GSDME: variants seen among roughly 807,000 people sequenced by gnomAD.
The protein encoded by GSDME is gasdermin E.
GSDME carries 44 observed loss-of-function variants against 47.5 expected under a neutral mutation model. The ratio of observed to expected loss-of-function variants is 0.93; its 90% CI spans 0.73 to 1.19. The LOEUF (loss-of-function observed/expected upper bound fraction) is 1.19, where lower values mean the gene tolerates loss of function less well. GSDME is among the 50% of genes most tolerant of loss of function. GSDME has a pLI of 0.00. For missense variants in GSDME, 663 were observed against 604.2 expected, an observed-to-expected ratio of 1.10 and a Z score of -1.02; for synonymous variants, 258 against 252.8, an observed-to-expected ratio of 1.02 and a Z score of -0.20.
At chr7:24,710,102 T>C in intron 6 of GSDME, 122 bp downstream of exon 6, 1 of 1,134,806 alleles carries the variant, frequency 8.8e-7, no homozygotes. Flanking sequence ...GCATCACCTC[T>C]CTTCTCATAT....
At chr7:24,722,207 A>G (rs1789815816) in intron 3 of GSDME, among the ~76,000 whole-genome samples, 1 of 152,178 alleles carries the variant, frequency 6.6e-6, no homozygotes, top group African/African-American at 2.4e-5. Context: ...AGTAAATAAA[A>G]CTTGTGAGGT....
chr7:24,707,492 A>G, intron 7 of GSDME: 1 of 463,886 alleles, frequency 2.2e-6, no homozygotes, highest in Non-Finnish European at 4.5e-6. Flanking sequence ...CTGACTTTAT[A>G]GATTCCACCA....
At chr7:24,774,065 G>C in the GSDME span, among the ~76,000 whole-genome samples, 1 of 152,152 alleles carries the variant, frequency 6.6e-6, no homozygotes, top group African/African-American at 2.4e-5. Context: ...AGAGACTCCT[G>C]TATCAGTACA....
the GSDME span, among the ~76,000 whole-genome samples, chr7:24,781,854 C>G: frequency 6.6e-6 from 1 of 152,094 alleles, no homozygotes; most frequent in Non-Finnish European, 1.5e-5. Context: ...AGCAATCCAA[C>G]CACCTCAGCC....
At chr7:24,702,390 A>G (rs879784190) in intron 9 of GSDME, 11 of 353,778 alleles carry the variant, frequency 3.1e-5, no homozygotes, top group Admixed American at 3.1e-4. Context: ...AGCTCAATCA[A>G]ACCAGTCTTA....
chr7:24,710,439 G>T, intron 5 of GSDME, 51 bp from the exon 6 acceptor site: 2 of 1,597,744 alleles, frequency 1.3e-6, no homozygotes, highest in Non-Finnish European at 1.7e-6. Flanking sequence ...TCTAAGGTGT[G>T]CCAACAAGTC....
rs144688980 is a variant in GSDME, at chr7:24,717,275, C to T, written c.676G>A (p.Val226Met). The T allele has an allele frequency of 1.1e-5, 17 of 1,599,612 alleles. No individual in the cohort carries two copies. Among genetic ancestry groups the T allele is most frequent in the Admixed American group, 3.4e-5 (2 of 58,128 alleles). The change falls in exon 5 of 10, where the codon GTG becomes ATG. Residue 226 changes from valine to methionine, a missense_variant. Val to Met is a conservative substitution (Grantham distance 21). Transcript: ENST00000645220. ...TCACCGAACTGGCCGTCCAGTTTCA[C>T]GTATAACTCAATGACACCGTAGGCA... Reference protein sequence around the residue: ...TIAYGVIELYVKLDGQFEFCL... With the variant: ...TIAYGVIELYMKLDGQFEFCL...
the GSDME span, among the ~76,000 whole-genome samples, chr7:24,785,425 A>G: frequency 6.6e-6 from 1 of 152,162 alleles, no homozygotes; most frequent in Non-Finnish European, 1.5e-5. Flanking sequence ...AAGGGTTTCA[A>G]TATTTATTTA....
the GSDME span, among the ~76,000 whole-genome samples, chr7:24,788,293 C>T: frequency 2.0e-3 from 300 of 152,272 alleles, 3 homozygotes; most frequent in Non-Finnish European, 3.5e-3. The surrounding 1 kb of genome is among the most constrained non-coding windows in gnomAD (Gnocchi z 4.6). Flanking sequence ...AGTGGTGCCC[C>T]GAGGAGACAG....
At chr7:24,749,932 A>G in intron 1 of GSDME, 139 bp from the exon 2 acceptor site, 2 of 633,202 alleles carry the variant, frequency 3.2e-6, no homozygotes, top group Non-Finnish European at 5.5e-6. Context: ...CTCTAGTTTG[A>G]CTTTAGCTGA....
chr7:24,786,398 GCAGA>G, the GSDME span, among the ~76,000 whole-genome samples: 19 of 152,232 alleles, frequency 1.2e-4, no homozygotes, highest in Non-Finnish European at 2.1e-4. The surrounding 1 kb of genome is among the most constrained non-coding windows in gnomAD (Gnocchi z 5.5). Flanking sequence ...TTGGAAACAT[GCAGA>G]CACACTCGTA....
the GSDME span, among the ~76,000 whole-genome samples, chr7:24,788,430 C>T: frequency 5.9e-5 from 9 of 152,206 alleles, no homozygotes; most frequent in South Asian, 1.9e-3. This position sits in a 1 kb window ranked among gnomAD's most constrained non-coding sequence, Gnocchi z 4.6. Context: ...GGGCAGTACC[C>T]ACTTCCCACT....
rs1031778365 is a variant in GSDME at position 24,757,071 on chromosome 7, C to T, written c.-20+325G>A. On this transcript the variant is annotated intron_variant, in intron 1 of 9. Coordinates refer to ENST00000645220, the MANE Select transcript of GSDME (RefSeq NM_001127453.2). This position sits in a 1 kb window ranked among gnomAD's most constrained non-coding sequence, Gnocchi z 5.9. ...TGGGAGAACGAAAATACCAGCTGCGCTTCCAACATCCAAGGAAGGAAGTGG... is the reference window on the plus strand; with the variant it reads ...TGGGAGAACGAAAATACCAGCTGCGTTTCCAACATCCAAGGAAGGAAGTGG... Among the ~76,000 whole-genome samples, 1 of 152,102 alleles carries T rather than the reference C, an allele frequency of 6.6e-6. No individual in the cohort carries two copies. Among genetic ancestry groups the T allele is most frequent in the African/African-American group, 2.4e-5 (1 of 41,390 alleles).
upstream of GSDME, among the ~76,000 whole-genome samples, chr7:24,759,058 A>G (rs2128070110): frequency 6.6e-6 from 1 of 152,328 alleles, no homozygotes; most frequent in East Asian, 1.9e-4. Flanking sequence ...TTGGATGAAG[A>G]AGTGGTTCGA....
intron 3 of GSDME, among the ~76,000 whole-genome samples, chr7:24,729,211 G>A (rs1328119904): frequency 2.0e-5 from 3 of 152,214 alleles, no homozygotes; most frequent in Non-Finnish European, 2.9e-5. Context: ...GTGACTTCAC[G>A]CCAAAGCCCT....
chr7:24,789,011 A>G, the GSDME span, among the ~76,000 whole-genome samples: 1 of 152,128 alleles, frequency 6.6e-6, no homozygotes, highest in Admixed American at 6.5e-5. Flanking sequence ...AGGGTTCGTG[A>G]ATTGCTTTTG....
rs1452224857 is a variant in GSDME at position 24,717,246 on chromosome 7, G to A, written c.697+8C>T. The A allele has an allele frequency of 2.0e-6, 3 of 1,487,894 alleles. No individual in the cohort carries two copies. Among genetic ancestry groups the A allele is most frequent in the Non-Finnish European group, 2.7e-6 (3 of 1,099,700 alleles). The allele number at this position is 1,487,894 out of a possible 1,614,324, so 92.2% of individuals were successfully genotyped here. A position where few individuals can be genotyped will look rare whatever the true frequency, so the allele number is the denominator to read the frequency against. On this transcript the variant is annotated splice_region_variant and intron_variant, in intron 5 of 9. Transcript: ENST00000645220. The stretch of plus-strand genomic sequence containing the variant: ...GATCCCTCAGCACCCATAGGAGGTG[G>A]CACTCACCGAACTGGCCGTCCAGTT...
intron 3 of GSDME, among the ~76,000 whole-genome samples, chr7:24,737,168 A>C (rs1291905417): frequency 6.6e-6 from 1 of 152,140 alleles, no homozygotes. Context: ...GAACAGATAT[A>C]AATTAAAATG....
Position 24,708,090 on chromosome 7 carries a change from C to T in GSDME, c.990+37G>A, listed in dbSNP as rs1381306923. 5 of 1,612,112 alleles carry T rather than the reference C, an allele frequency of 3.1e-6. No homozygotes were observed. In the African/African-American group the frequency reaches 5.3e-5, roughly 17 times the overall value. The stretch of plus-strand genomic sequence containing the variant: ...CCTCCTCCCCTGTTCCAGAAAACCC[C>T]AGTGAAAACACTGCCTTGAGATGTC... On this transcript the variant is annotated intron_variant, in intron 7 of 9. Coordinates refer to ENST00000645220, the MANE Select transcript of GSDME (RefSeq NM_001127453.2).
Sources: gnomAD v4.1 joint callset for allele counts (sites outside exome capture counted in the v4.1 genomes callset) on GRCh38, gnomAD v4.1.1 for gene constraint, Gnocchi (gnomAD v3.1) non-coding constraint, MANE v1.5 for transcripts, NCBI Gene and HGNC (gene_info 2026-07-23, HGNC 2026-07-21) for gene names.